Variants in PHYH observed in about 807,000 individuals in gnomAD.
The protein encoded by PHYH is phytanoyl-CoA dioxygenase, peroxisomal.
In PHYH, 32 loss-of-function variants were observed where a neutral mutation model predicts 38.5. That is an observed-to-expected ratio of 0.83 (90% CI 0.63 to 1.12). The LOEUF (loss-of-function observed/expected upper bound fraction) is 1.12, where lower values mean the gene tolerates loss of function less well. Among genes scored for constraint, PHYH ranks in the 50% most tolerant of loss-of-function variants. PHYH has a pLI of 0.00. For missense variants in PHYH, 426 were observed against 434.8 expected, an observed-to-expected ratio of 0.98 and a Z score of 0.18; for synonymous variants, 166 against 157.9, an observed-to-expected ratio of 1.05 and a Z score of -0.38.
chr10:13,294,436 G>T lies in PHYH; in HGVS notation c.406C>A (p.Leu136Ile). 1 of 1,614,014 alleles carries T rather than the reference G, an allele frequency of 6.2e-7. No individual in the cohort carries two copies. The highest frequency in any genetic ancestry group is 8.5e-7 in the Non-Finnish European group (1 of 1,179,958). Residue 136 changes from leucine to isoleucine, a missense_variant, in exon 4 of 9, where the codon CTC (leucine) becomes ATC (isoleucine). Physicochemically the swap from Leu to Ile is conservative, Grantham distance 5 (BLOSUM62 2). Coordinates refer to ENST00000263038, the MANE Select transcript of PHYH (RefSeq NM_006214.4). ...CAAGGGTGGTCTCTGACCTCGGGGA[G>T]AGTGCAGTATCTGAAGAGCTCCTTA... ...EDKELFRYCTLPEILKYVECF... is the reference protein window; with the variant it reads ...EDKELFRYCTIPEILKYVECF...
Position 13,278,105 on chromosome 10 carries a change from T to A in PHYH, c.*196A>T, listed in dbSNP as rs546963597. On this transcript the variant is annotated 3_prime_UTR_variant, in exon 9 of 9. Coordinates refer to ENST00000263038, the MANE Select transcript of PHYH (RefSeq NM_006214.4). ...TTCCTTAAAACAGTAATATTTCACTTTTACTGTTTTTTTTTTCCATTAAAG... is the reference window on the plus strand; with the variant it reads ...TTCCTTAAAACAGTAATATTTCACTATTACTGTTTTTTTTTTCCATTAAAG... The A allele has an allele frequency of 9.6e-6, 5 of 519,242 alleles. No homozygotes were observed. The highest frequency in any genetic ancestry group is 1.7e-5 in the Non-Finnish European group (5 of 298,180). The allele number at this position is 519,242 out of a possible 1,614,324, so 32.2% of individuals were successfully genotyped here.
chr10:13,283,481 A>T (rs1023220468), intron 7 of PHYH, among the ~76,000 whole-genome samples: 3 of 152,138 alleles, frequency 2.0e-5, no homozygotes, highest in Non-Finnish European at 4.4e-5. Context: ...CTTCTTACTG[A>T]TAAGAGCACA....
At chr10:13,279,817 A>G (rs1032801034) in intron 8 of PHYH, among the ~76,000 whole-genome samples, 1 of 152,226 alleles carries the variant, frequency 6.6e-6, no homozygotes, top group Non-Finnish European at 1.5e-5. Flanking sequence ...TTAGGATGTT[A>G]GCTCAAAGCT....
At chr10:13,295,716 A>G (rs2131655494) in intron 2 of PHYH, 110 bp from the exon 3 acceptor site, 1 of 678,096 alleles carries the variant, frequency 1.5e-6, no homozygotes, top group Non-Finnish European at 2.7e-6. Context: ...CAAGTGGATC[A>G]CTTGAGGTCA....
At chr10:13,280,056 C>T (rs11258304) in intron 8 of PHYH, among the ~76,000 whole-genome samples, 41,115 of 151,506 alleles carry the variant, frequency 0.27, 5,772 homozygotes, top group African/African-American at 0.35. Flanking sequence ...GCAAGCTCCG[C>T]CTCCTGGGTT....
chr10:13,299,872 G>A (rs559307257), intron 1 of PHYH, 96 bp downstream of exon 1: 3 of 1,389,986 alleles, frequency 2.2e-6, no homozygotes, highest in Non-Finnish European at 2.8e-6. Context: ...GCTGCGAAGC[G>A]TGCGACCCCG....
intron 2 of PHYH, 21 bp from the exon 3 acceptor site, chr10:13,295,627 C>T: frequency 1.0e-6 from 1 of 969,004 alleles, no homozygotes; most frequent in Non-Finnish European, 1.7e-6. Flanking sequence ...AAAAGAATCC[C>T]AAAATAAGTT....
intron 6 of PHYH, among the ~76,000 whole-genome samples, chr10:13,285,785 G>A (rs1391770844): frequency 6.6e-6 from 1 of 151,362 alleles, no homozygotes; most frequent in Non-Finnish European, 1.5e-5. Context: ...TGTATTTTTA[G>A]TAGAGACAGG....
At chr10:13,290,825 G>A (rs960563158) in intron 5 of PHYH, among the ~76,000 whole-genome samples, 6 of 152,226 alleles carry the variant, frequency 3.9e-5, no homozygotes, top group South Asian at 2.1e-4. Context: ...GGCTGGGCGC[G>A]GTGGCTCACA....
rs1054747084 is a variant in PHYH, at chr10:13,288,465, G to C, written c.573C>G (p.Cys191Trp). ...TGATGTGCTCCATCGCCGTCCAGGC[G>C]CAAACGATGAGATCGCTGGGCCTGA... ...FPFRPSDLIV[C>W]AWTAMEHISR... The change falls in exon 6 of 9, where the codon TGC becomes TGG. Residue 191 changes from cysteine (C) to tryptophan (W), a missense_variant. Transcript: ENST00000263038. 1 of 1,614,072 alleles carries C rather than the reference G, an allele frequency of 6.2e-7. No homozygotes were observed. Among genetic ancestry groups the C allele is most frequent in the Non-Finnish European group, 8.5e-7 (1 of 1,180,026 alleles).
At position 13,283,700 on chromosome 10, in the gene PHYH, C is replaced by T; in HGVS notation, c.818G>A (p.Gly273Glu). 6.2e-7 allele frequency: 1 copy of T among 1,614,124 alleles called. No homozygotes were observed. The highest frequency in any genetic ancestry group is 8.5e-7 in the Non-Finnish European group (1 of 1,180,028). The change falls in exon 7 of 9, where the codon GGA (glycine) becomes GAA (glutamate). Residue 273 changes from glycine to glutamate, a missense_variant. Transcript: ENST00000263038. ...IHGSGQNKTQ[G>E]FRKAISCHFA... ...AATGTGAATGCTTACCTTCCGGAAT[C>T]CCTGGGTTTTATTCTGACCAGATCC...
At chr10:13,278,928 T>C (rs1440684429) in intron 8 of PHYH, among the ~76,000 whole-genome samples, 1 of 152,210 alleles carries the variant, frequency 6.6e-6, no homozygotes, top group African/African-American at 2.4e-5. Flanking sequence ...GGATATTTGT[T>C]GGTGCCAGCT....
At chr10:13,293,458 T>C (rs920753051) in intron 4 of PHYH, among the ~76,000 whole-genome samples, 2 of 151,992 alleles carry the variant, frequency 1.3e-5, no homozygotes, top group East Asian at 3.9e-4. Context: ...CCCGCCACCA[T>C]GCCCAGCTAA....
intron 6 of PHYH, among the ~76,000 whole-genome samples, chr10:13,285,891 A>C (rs1402913687): frequency 6.6e-6 from 1 of 151,710 alleles, no homozygotes; most frequent in East Asian, 1.9e-4. Flanking sequence ...GGCATGAGCC[A>C]CTGCGCCCAG....
chr10:13,289,423 C>T (rs1349202485), intron 5 of PHYH, among the ~76,000 whole-genome samples: 11 of 151,958 alleles, frequency 7.2e-5, no homozygotes. Flanking sequence ...TCTTGATCTC[C>T]TGACCTCGTG....
Position 13,278,253 on chromosome 10 carries a change from T to G in PHYH, c.*48A>C, listed in dbSNP as rs1213670235. On this transcript the variant is annotated 3_prime_UTR_variant, in exon 9 of 9. Coordinates refer to ENST00000263038, the MANE Select transcript of PHYH (RefSeq NM_006214.4). The stretch of plus-strand genomic sequence containing the variant: ...TAAGAAAACATTTTCCTTAGACATT[T>G]CGTTTGGTTTTGGTTTTCTGTTGAA... 7 of 1,231,836 alleles carry G rather than the reference T, an allele frequency of 5.7e-6. No individual in the cohort carries two copies. The highest frequency in any genetic ancestry group is 8.4e-6 in the Non-Finnish European group (7 of 831,132). 76.3% of individuals were successfully genotyped at this position (1,231,836 alleles called of 1,614,324 possible). A position where few individuals can be genotyped will look rare whatever the true frequency, so the allele number is the denominator to read the frequency against.
intron 1 of PHYH, 49 bp from the exon 2 acceptor site, chr10:13,298,294 C>T (rs759895964): frequency 1.5e-5 from 17 of 1,139,178 alleles, no homozygotes; most frequent in East Asian, 1.2e-4. Context: ...AGGCCAGGCA[C>T]GGTGGCTCAT....
chr10:13,299,713 G>T, intron 1 of PHYH: 2 of 1,295,028 alleles, frequency 1.5e-6, no homozygotes, highest in Non-Finnish European at 2.0e-6. Flanking sequence ...GGCCCCCAGG[G>T]ATCCCGGAGG....
At chr10:13,299,142 A>C (rs1392437750) in intron 1 of PHYH, among the ~76,000 whole-genome samples, 1 of 150,462 alleles carries the variant, frequency 6.6e-6, no homozygotes, top group Non-Finnish European at 1.5e-5. Flanking sequence ...AAAAAAAAAA[A>C]AACCAAAAAA....
Sources: allele counts gnomAD v4.1 joint callset (sites outside exome capture counted in the v4.1 genomes callset), GRCh38; gene constraint gnomAD v4.1.1; transcripts MANE v1.5; gene names NCBI Gene and HGNC (gene_info 2026-07-23, HGNC 2026-07-21).